B4GALT6: variants seen among roughly 807,000 people sequenced by gnomAD.
B4GALT6 encodes beta-1,4-galactosyltransferase 6, also known as UDP-Gal:beta-GlcNAc beta-1,4-galactosyltransferase 6.
A neutral mutation model predicts 46.3 loss-of-function variants in B4GALT6; 14 were observed. The ratio of observed to expected loss-of-function variants is 0.30; its 90% CI spans 0.20 to 0.47. The LOEUF (loss-of-function observed/expected upper bound fraction) is 0.47, where lower values mean the gene tolerates loss of function less well. Among genes scored for constraint, B4GALT6 ranks in the 20% least tolerant of loss-of-function variants. The probability of loss-of-function intolerance (pLI) is 0.99; values close to 1 mark genes in which losing one functional copy is unlikely to be tolerated. For synonymous variants in B4GALT6, 168 were observed against 162.0 expected (o/e 1.04, Z -0.28); for missense variants, 386 against 480.1 (o/e 0.80, Z 1.83).
chr18:31,648,927 T>C (rs1157664400), intron 3 of B4GALT6, among the ~76,000 whole-genome samples: 1 of 152,236 alleles, frequency 6.6e-6, no homozygotes, highest in Non-Finnish European at 1.5e-5. Context: ...TCTGGATATG[T>C]TGGCTTTTGT....
chr18:31,719,643 T>C, the B4GALT6 span, among the ~76,000 whole-genome samples: 1 of 152,180 alleles, frequency 6.6e-6, no homozygotes. Flanking sequence ...GTTTTATTAT[T>C]ACTGAAATTA....
At chr18:31,704,766 C>T in the B4GALT6 span, among the ~76,000 whole-genome samples, 1 of 151,990 alleles carries the variant, frequency 6.6e-6, no homozygotes, top group African/African-American at 2.4e-5. Context: ...AAAGTTAAAC[C>T]ACCTATAATA....
rs531811980 is a variant in B4GALT6, at chr18:31,642,473, T to C, written c.471+2882A>G. Among the ~76,000 whole-genome samples, 5 of 152,338 alleles carry C rather than the reference T, an allele frequency of 3.3e-5. No individual in the cohort carries two copies. The East Asian group carries it at 9.7e-4, about 29-fold the overall frequency. On this transcript the variant is annotated intron_variant, in intron 4 of 8. Coordinates refer to ENST00000306851, the MANE Select transcript of B4GALT6 (RefSeq NM_004775.5). ...TAGACAAGAGCATCAAGCAGCTGCC[T>C]GGTTCTTTAAGCCTGGAAGTTATAG...
Position 31,648,622 on chromosome 18 carries a change from C to T in B4GALT6, c.347-3143G>A, listed in dbSNP as rs117115714. On this transcript the variant is annotated intron_variant, in intron 3 of 8. Coordinates refer to ENST00000306851, the MANE Select transcript of B4GALT6 (RefSeq NM_004775.5). ...ATTTGCAAGATATGCAGCAATGCTG[C>T]CCATCTGGGAAAGCCAGGCATGCAT... Among the ~76,000 whole-genome samples, 833 of 152,320 alleles carry T rather than the reference C, an allele frequency of 5.5e-3. 1 individual carries two copies. The highest frequency in any genetic ancestry group is 8.7e-3 in the Non-Finnish European group (590 of 68,028).
chr18:31,682,657 TTGAG>T (rs1427993977), intron 1 of B4GALT6, among the ~76,000 whole-genome samples: 1 of 152,232 alleles, frequency 6.6e-6, no homozygotes, highest in African/African-American at 2.4e-5. Context: ...GGTTAGCTTT[TTGAG>T]TAATATAACT....
At chr18:31,627,228 T>C in intron 6 of B4GALT6, 107 bp from the exon 7 acceptor site, 6 of 834,548 alleles carry the variant, frequency 7.2e-6, no homozygotes, top group Non-Finnish European at 1.1e-5. Context: ...CCTTATATTC[T>C]ATATAGACAA....
chr18:31,647,642 C>T (rs1354594856), intron 3 of B4GALT6, among the ~76,000 whole-genome samples: 2 of 152,104 alleles, frequency 1.3e-5, no homozygotes, highest in African/African-American at 2.4e-5. Flanking sequence ...GGGGACAGGC[C>T]TCCCAGGACA....
chr18:31,669,279 C>A, intron 1 of B4GALT6, among the ~76,000 whole-genome samples: 1 of 152,016 alleles, frequency 6.6e-6, no homozygotes, highest in South Asian at 2.1e-4. Context: ...TGTTTTCTCC[C>A]CTTTTGTATT....
At chr18:31,681,572 G>T (rs1268748111) in intron 1 of B4GALT6, among the ~76,000 whole-genome samples, 1 of 152,198 alleles carries the variant, frequency 6.6e-6, no homozygotes. Flanking sequence ...GACCCAAATA[G>T]TCCAGAAATA....
chr18:31,690,728 C>T (rs2030079766), upstream of B4GALT6, among the ~76,000 whole-genome samples: 1 of 152,130 alleles, frequency 6.6e-6, no homozygotes, highest in Non-Finnish European at 1.5e-5. Context: ...GCCTTGGCCT[C>T]CCAAAGTGCT....
At chr18:31,703,635 C>A in the B4GALT6 span, among the ~76,000 whole-genome samples, 2 of 152,204 alleles carry the variant, frequency 1.3e-5, no homozygotes, top group Non-Finnish European at 2.9e-5. Context: ...AGGAGAGATG[C>A]AGATTTTCAC....
intron 7 of B4GALT6, 107 bp downstream of exon 7, chr18:31,626,892 T>C (rs2073705949): frequency 2.1e-6 from 2 of 940,484 alleles, no homozygotes; most frequent in Non-Finnish European, 3.1e-6. Context: ...ACCTCAAACA[T>C]ATCCCATCCC....
rs2073648747 is a variant in B4GALT6 at position 31,623,751 on chromosome 18, T to C, written c.*1863A>G. 1 of 151,978 alleles carries C rather than the reference T, an allele frequency of 6.6e-6. No homozygotes were observed. Among genetic ancestry groups the C allele is most frequent in the South Asian group, 2.1e-4 (1 of 4,830 alleles). The allele number at this position is 151,978 out of a possible 1,614,324, so 9.4% of individuals were successfully genotyped here. ...GTTTGGTATCATAACACAGAAGCTA[T>C]CCATTTTCTCAAAGTGTAAGGATTC... On this transcript the variant is annotated 3_prime_UTR_variant, in exon 9 of 9. Transcript: ENST00000306851.
chr18:31,691,292 C>CATATATATAT, the B4GALT6 span, among the ~76,000 whole-genome samples: 7 of 117,424 alleles, frequency 6.0e-5, no homozygotes, highest in African/African-American at 9.0e-5. Context: ...CATAATTTTA[C>CATATATATAT]ATATATATAT....
At chr18:31,675,085 C>T (rs1377891495) in intron 1 of B4GALT6, among the ~76,000 whole-genome samples, 2 of 152,166 alleles carry the variant, frequency 1.3e-5, no homozygotes, top group Non-Finnish European at 2.9e-5. Context: ...TATTTCAGAT[C>T]TTAGCTAACA....
chr18:31,625,519 C>G lies in B4GALT6; in HGVS notation c.*95G>C. The G allele has an allele frequency of 7.3e-7, 1 of 1,370,146 alleles. No homozygotes were observed. Among genetic ancestry groups the G allele is most frequent in the Non-Finnish European group, 1.0e-6 (1 of 976,026 alleles). The allele number at this position is 1,370,146 out of a possible 1,614,324, so 84.9% of individuals were successfully genotyped here. On this transcript the variant is annotated 3_prime_UTR_variant, in exon 9 of 9. Coordinates refer to ENST00000306851, the MANE Select transcript of B4GALT6 (RefSeq NM_004775.5). ...TGCTGGCTCTTCTCAGAGAAAAGGG[C>G]ACTGTGACACAGCCAATCACTGACC...
chr18:31,625,545 T>C lies in B4GALT6; in HGVS notation c.*69A>G. The C allele has an allele frequency of 6.4e-7, 1 of 1,566,314 alleles. No individual in the cohort carries two copies. The highest frequency in any genetic ancestry group is 8.7e-7 in the Non-Finnish European group (1 of 1,145,614). On this transcript the variant is annotated 3_prime_UTR_variant, in exon 9 of 9. Coordinates refer to ENST00000306851, the MANE Select transcript of B4GALT6 (RefSeq NM_004775.5). ...ACTGTGACACAGCCAATCACTGACC[T>C]CCACTAAGAGCGCGCTCCAAGTTTA...
intron 5 of B4GALT6, among the ~76,000 whole-genome samples, chr18:31,633,362 G>C (rs1008442621): frequency 6.6e-6 from 1 of 152,148 alleles, no homozygotes; most frequent in African/African-American, 2.4e-5. Context: ...GCGGAGGAGA[G>C]ACTTACATTA....
At chr18:31,696,923 T>C in the B4GALT6 span, among the ~76,000 whole-genome samples, 4 of 152,134 alleles carry the variant, frequency 2.6e-5, no homozygotes, top group South Asian at 4.1e-4. Flanking sequence ...CACAGCACAA[T>C]AGCCAATTAG....
Sources: gnomAD v4.1 joint callset for allele counts (sites outside exome capture counted in the v4.1 genomes callset) on GRCh38, gnomAD v4.1.1 for gene constraint, MANE v1.5 for transcripts, NCBI Gene and HGNC (gene_info 2026-07-23, HGNC 2026-07-21) for gene names.